Variants in FOXP2 observed in about 807,000 individuals in gnomAD.
The protein encoded by FOXP2 is forkhead box P2.
Under a neutral mutation model 115.8 loss-of-function variants are expected in FOXP2, and 12 were observed. That is an observed-to-expected ratio of 0.10 (90% CI 0.07 to 0.17). The LOEUF is 0.17. Ranked by LOEUF, FOXP2 falls within the 10% of genes least tolerant of loss-of-function variation. The pLI is 1.00. For missense variants in FOXP2, 629 were observed against 843.5 expected, an observed-to-expected ratio of 0.75 and a Z score of 3.15; for synonymous variants, 328 against 297.7, an observed-to-expected ratio of 1.10 and a Z score of -1.05.
intron 1 of FOXP2, among the ~76,000 whole-genome samples, chr7:114,420,775 A>G (rs2129202424): frequency 6.6e-6 from 1 of 151,946 alleles, no homozygotes. Flanking sequence ...TATTAATGCT[A>G]TAAAGGATTG....
chr7:114,527,510 A>G lies in FOXP2; in HGVS notation c.169-7107A>G, dbSNP rs567936443. Among the ~76,000 whole-genome samples, 5 of 152,118 alleles carry G rather than the reference A, an allele frequency of 3.3e-5. No individual in the cohort carries two copies. In the East Asian group the frequency reaches 5.8e-4, roughly 18 times the overall value. Reference sequence around the variant, plus strand: ...TCCTCTCTCTGTGGTGTCTTTACCAACAATCTAATAAACTCCCTTTGCCTT... The same window carrying G: ...TCCTCTCTCTGTGGTGTCTTTACCAGCAATCTAATAAACTCCCTTTGCCTT... On this transcript the variant is annotated intron_variant, in intron 2 of 16. Coordinates refer to ENST00000350908, the MANE Select transcript of FOXP2 (RefSeq NM_014491.4).
intron 1 of FOXP2, among the ~76,000 whole-genome samples, chr7:114,118,029 T>C (rs1791455665): frequency 6.6e-6 from 1 of 152,258 alleles, no homozygotes; most frequent in East Asian, 1.9e-4. Context: ...TACCTTCTCA[T>C]TGGAGGTTAG....
intron 2 of FOXP2, among the ~76,000 whole-genome samples, chr7:114,452,798 T>C (rs573009205): frequency 6.6e-6 from 1 of 152,182 alleles, no homozygotes; most frequent in East Asian, 1.9e-4. Context: ...CCTTAATCAG[T>C]TCATTTGGCA....
At chr7:114,167,050 T>A (rs930969756) in intron 1 of FOXP2, among the ~76,000 whole-genome samples, 1 of 152,206 alleles carries the variant, frequency 6.6e-6, no homozygotes, top group Admixed American at 6.5e-5. Context: ...TACTATGTGA[T>A]CCAGCAGTGA....
intron 3 of FOXP2, among the ~76,000 whole-genome samples, chr7:114,611,453 T>A (rs1488822496): frequency 3.3e-5 from 5 of 152,180 alleles, no homozygotes; most frequent in South Asian, 2.1e-4. Context: ...TTCAAAAAAA[T>A]TTTTTGAGTA....
At position 114,485,518 on chromosome 7, in the gene FOXP2, G is replaced by A. The variant is rs943509779; in HGVS notation, c.169-49099G>A. Among the ~76,000 whole-genome samples, 5 of 117,934 alleles carry A rather than the reference G, an allele frequency of 4.2e-5. No homozygotes were observed. In the East Asian group the frequency reaches 9.5e-4, roughly 22 times the overall value. 77.4% of individuals were successfully genotyped at this position (117,934 alleles called of 152,430 possible). A position where few individuals can be genotyped will look rare whatever the true frequency, so the allele number is the denominator to read the frequency against. On this transcript the variant is annotated intron_variant, in intron 2 of 16. Transcript: ENST00000350908. ...CATATAATCTGAATATTTAGGTGAG[G>A]TATTTCAGGGTAAATGTTTAAATCT...
At chr7:114,469,986 T>G (rs1051665342) in intron 2 of FOXP2, among the ~76,000 whole-genome samples, 1 of 152,202 alleles carries the variant, frequency 6.6e-6, no homozygotes, top group African/African-American at 2.4e-5. Flanking sequence ...GAGTATCAAT[T>G]TACTGTAGAT....
At chr7:114,537,519 T>C (rs1337874671) in intron 3 of FOXP2, among the ~76,000 whole-genome samples, 1 of 151,654 alleles carries the variant, frequency 6.6e-6, no homozygotes, top group Non-Finnish European at 1.5e-5. Flanking sequence ...TTCACCTGAA[T>C]TTCTTTTCTC....
chr7:114,654,130 A>G (rs760294218), intron 10 of FOXP2, 121 bp downstream of exon 10: 573 of 1,578,966 alleles, frequency 3.6e-4, no homozygotes, highest in Admixed American at 5.0e-4. Flanking sequence ...CAATAAAATG[A>G]AAGTAAAATG....
intron 1 of FOXP2, among the ~76,000 whole-genome samples, chr7:114,263,098 G>C (rs186767865): frequency 6.6e-6 from 1 of 152,192 alleles, no homozygotes; most frequent in African/African-American, 2.4e-5. Context: ...TTTTCTCCCA[G>C]CTTCCCTGAA....
intron 2 of FOXP2, among the ~76,000 whole-genome samples, chr7:114,325,388 A>T (rs1220978448): frequency 6.6e-6 from 1 of 151,898 alleles, no homozygotes; most frequent in African/African-American, 2.4e-5. Context: ...TTTTTTCTCT[A>T]AAAAATGTAC....
chr7:114,452,353 C>G (rs1434190905), intron 2 of FOXP2, among the ~76,000 whole-genome samples: 1 of 151,958 alleles, frequency 6.6e-6, no homozygotes, highest in Non-Finnish European at 1.5e-5. Context: ...GTAATACAAT[C>G]AGATAAAGTT....
intron 1 of FOXP2, among the ~76,000 whole-genome samples, chr7:114,147,335 G>A (rs749842446): frequency 3.3e-5 from 5 of 152,022 alleles, no homozygotes; most frequent in Non-Finnish European, 5.9e-5. Flanking sequence ...TTTCTCTTCT[G>A]CAGGTGTAAA....
rs961646884 is a variant in FOXP2 at position 114,184,501 on chromosome 7, T to A, written c.-102+21413T>A. Among the ~76,000 whole-genome samples the A allele has an allele frequency of 2.0e-5, 3 of 152,298 alleles. No individual in the cohort carries two copies. In the South Asian group the frequency reaches 6.2e-4, roughly 32 times the overall value. On this transcript the variant is annotated intron_variant, in intron 1 of 17. Coordinates refer to the FOXP2 transcript ENST00000634411. ...ATGATTTATGGAGAGAATAACACAT[T>A]AAGCAATTTTTAGTCATTATGATTG...
intron 2 of FOXP2, among the ~76,000 whole-genome samples, chr7:114,378,995 A>C (rs562973919): frequency 6.6e-6 from 1 of 152,160 alleles, no homozygotes; most frequent in South Asian, 2.1e-4. Flanking sequence ...TTCATTGAAA[A>C]CAACAAAAGG....
intron 3 of FOXP2, among the ~76,000 whole-genome samples, chr7:114,610,748 C>T (rs1343434426): frequency 1.3e-5 from 2 of 151,340 alleles, no homozygotes; most frequent in Non-Finnish European, 1.5e-5. Context: ...AGCCCTCTTA[C>T]CTCAGCCTCC....
At chr7:114,605,203 A>T (rs1331562130) in intron 3 of FOXP2, among the ~76,000 whole-genome samples, 1 of 152,172 alleles carries the variant, frequency 6.6e-6, no homozygotes, top group East Asian at 1.9e-4. Flanking sequence ...TTGCCATTAC[A>T]TCTTCACAGC....
At chr7:114,145,669 T>A (rs1206708783) in intron 1 of FOXP2, among the ~76,000 whole-genome samples, 1 of 151,974 alleles carries the variant, frequency 6.6e-6, no homozygotes, top group Non-Finnish European at 1.5e-5. Context: ...TCTACAGTTT[T>A]ACTGAAGAAG....
Position 114,691,619 on chromosome 7 carries a change from T to A in FOXP2, c.*1693T>A, listed in dbSNP as rs1366615679. 1 of 453,982 alleles carries A rather than the reference T, an allele frequency of 2.2e-6. No homozygotes were observed. Among genetic ancestry groups the A allele is most frequent in the East Asian group, 6.9e-5 (1 of 14,396 alleles). 28.1% of individuals were successfully genotyped at this position (453,982 alleles called of 1,614,324 possible). On this transcript the variant is annotated 3_prime_UTR_variant, in exon 17 of 17. Coordinates refer to ENST00000350908, the MANE Select transcript of FOXP2 (RefSeq NM_014491.4). The stretch of plus-strand genomic sequence containing the variant: ...CTTAAAACCTAGAAACTTAACATGT[T>A]GCTTTTCATGTGCTGTGCCAAGTCT...
Sources: gnomAD v4.1 joint callset for allele counts (sites outside exome capture counted in the v4.1 genomes callset) on GRCh38, gnomAD v4.1.1 for gene constraint, MANE v1.5 for transcripts, NCBI Gene and HGNC (gene_info 2026-07-23, HGNC 2026-07-21) for gene names.